QRICH2: variants seen among roughly 807,000 people sequenced by gnomAD.
The protein encoded by QRICH2 is glutamine-rich protein 2.
In QRICH2, 119 loss-of-function variants were observed where a neutral mutation model predicts 168.3. That is an observed-to-expected ratio of 0.71 (90% CI 0.61 to 0.82). The LOEUF (loss-of-function observed/expected upper bound fraction) is 0.82. Ranked by LOEUF, QRICH2 falls within the 40% of genes least tolerant of loss-of-function variation. The pLI, the probability that QRICH2 is intolerant of heterozygous loss-of-function variation, is 0.00. For missense variants in QRICH2, 2,241 were observed against 2,491.6 expected, an observed-to-expected ratio of 0.90 and a Z score of 2.14; for synonymous variants, 894 against 951.2, an observed-to-expected ratio of 0.94 and a Z score of 1.11.
In QRICH2 at chr17:76,284,545, G is replaced by A. The variant is rs957694176; in HGVS notation, c.4012-2430C>T. Among the ~76,000 whole-genome samples, 17 of 120,310 alleles carry A rather than the reference G, an allele frequency of 1.4e-4. 4 individuals carry two copies. Among genetic ancestry groups the A allele is most frequent in the African/African-American group, 7.5e-4 (12 of 15,928 alleles). 78.9% of individuals were successfully genotyped at this position (120,310 alleles called of 152,430 possible). ...TCTAAAGAAAGTATACAGGCCAGGC[G>A]TGGTGGCTCACGCCTGTAATCCCAG... is the stretch of plus-strand genomic sequence containing the variant. On this transcript the variant is annotated intron_variant, in intron 7 of 18. Transcript: ENST00000680821.
rs1302816746 is a variant in QRICH2, at chr17:76,276,745, C to G, written c.5288G>C (p.Gly1763Ala). Residue 1763 changes from glycine to alanine, a missense_variant, in exon 17 of 19, where the codon GGC (glycine) becomes GCC (alanine). Physicochemically the swap from Gly to Ala is moderately conservative, Grantham distance 60. Coordinates refer to ENST00000680821, the MANE Select transcript of QRICH2 (RefSeq NM_001388453.1). Reference sequence around the variant, plus strand: ...TCCCTTGTAAATGTGGCCATCCAGGCCCAAGATGTCCACCTCATCATGCTG... The same window carrying G: ...TCCCTTGTAAATGTGGCCATCCAGGGCCAAGATGTCCACCTCATCATGCTG... ...AMKHDEVDILGLDGHIYKGRM... is the reference protein window; with the variant it reads ...AMKHDEVDILALDGHIYKGRM... The G allele has an allele frequency of 6.2e-7, 1 of 1,612,850 alleles. No homozygotes were observed. The highest frequency in any genetic ancestry group is 1.3e-5 in the African/African-American group (1 of 74,934).
In QRICH2 at chr17:76,274,146, A is replaced by G; in HGVS notation, c.5597T>C (p.Val1866Ala). The change falls in exon 19 of 19, where the codon GTG (valine) becomes GCG (alanine). Residue 1866 changes from valine (V) to alanine (A), a missense_variant. Physicochemically the swap from Val to Ala is moderately conservative, Grantham distance 64. Around this residue, in one of 3 missense-constraint regions of QRICH2, gnomAD observed 189 missense variants for 169.3 expected, o/e 1.12. Transcript: ENST00000680821. ...GAGCCCCTCCCCAGGAGGCATGTCC[A>G]CGTGCCTCTCCAGCCCCCTGTTTGC... ...AVANRGLERH[V>A]DMPPGEGLEE... 1.3e-6 allele frequency: 2 copies of G among 1,588,892 alleles called. No individual in the cohort carries two copies. The highest frequency in any genetic ancestry group is 8.5e-7 in the Non-Finnish European group (1 of 1,171,710).
chr17:76,310,907 C>A (rs2071064180), upstream of QRICH2: 1 of 152,044 alleles, frequency 6.6e-6, no homozygotes, highest in Admixed American at 6.6e-5. Context: ...CCATGGTCTT[C>A]TGCTGTCTAA....
chr17:76,298,348 T>C (rs1034091764), intron 3 of QRICH2, among the ~76,000 whole-genome samples: 26 of 149,134 alleles, frequency 1.7e-4, no homozygotes, highest in Non-Finnish European at 3.3e-4. Flanking sequence ...CCGGATAATT[T>C]TTTTGTATTT....
chr17:76,285,059 A>G (rs1568111122), intron 7 of QRICH2, among the ~76,000 whole-genome samples: 2 of 150,832 alleles, frequency 1.3e-5, no homozygotes, highest in South Asian at 2.1e-4. Flanking sequence ...GGTTCAAGTG[A>G]TTCTCCTACC....
chr17:76,280,167 A>G lies in QRICH2; in HGVS notation c.4627-13T>C. Reference sequence around the variant, plus strand: ...CCAGGCGGTCCAGCTGTGGCGGGGAAAGAGGGGCCAGGGGACCTCTAAGGA... The same window carrying G: ...CCAGGCGGTCCAGCTGTGGCGGGGAGAGAGGGGCCAGGGGACCTCTAAGGA... On this transcript the variant is annotated splice_polypyrimidine_tract_variant and intron_variant, in intron 11 of 18. Coordinates refer to ENST00000680821, the MANE Select transcript of QRICH2 (RefSeq NM_001388453.1). This position sits in a 1 kb window ranked among gnomAD's most constrained non-coding sequence, Gnocchi z 7.4. The G allele has an allele frequency of 6.2e-7, 1 of 1,612,590 alleles. No homozygotes were observed. The highest frequency in any genetic ancestry group is 8.5e-7 in the Non-Finnish European group (1 of 1,179,226).
chr17:76,277,940 C>G, intron 15 of QRICH2, 49 bp downstream of exon 15: 1 of 1,589,368 alleles, frequency 6.3e-7, no homozygotes, highest in Non-Finnish European at 8.6e-7. Context: ...AGAAGCCAAG[C>G]CTGGTCACTG....
At chr17:76,276,630 G>A (rs968335951) in intron 17 of QRICH2, 50 bp downstream of exon 17, 4 of 1,415,320 alleles carry the variant, frequency 2.8e-6, no homozygotes, top group Admixed American at 1.7e-5. Context: ...ATGGATGCAC[G>A]CCCTGTGGGA....
At chr17:76,297,180 C>T (rs1480639996) in intron 3 of QRICH2, among the ~76,000 whole-genome samples, 1 of 152,148 alleles carries the variant, frequency 6.6e-6, no homozygotes, top group Non-Finnish European at 1.5e-5. Context: ...TAGCTGTGTC[C>T]TGGGGGAAAC....
Position 76,293,741 on chromosome 17 carries a change from T to G in QRICH2, c.986A>C (p.Gln329Pro), listed in dbSNP as rs182362331. 4.3e-6 allele frequency: 7 copies of G among 1,614,118 alleles called. No individual in the cohort carries two copies. In the Admixed American group the frequency reaches 1.2e-4, roughly 27 times the overall value. The change falls in exon 4 of 19, where the codon CAG becomes CCG. Residue 329 changes from glutamine to proline, a missense_variant. This residue lies in a region of QRICH2 where 2,047 missense variants were observed against 2,303.8 expected (regional missense o/e 0.89). Transcript: ENST00000680821. ...RDEAGVPRLHQSSTFQFKSDS... is the reference protein window; with the variant it reads ...RDEAGVPRLHPSSTFQFKSDS... ...TGATTTGAATTGGAATGTAGAAGACTGATGGAGTCGTGGCACGCCAGCTTC... is the reference window on the plus strand; with the variant it reads ...TGATTTGAATTGGAATGTAGAAGACGGATGGAGTCGTGGCACGCCAGCTTC...
At position 76,295,069 on chromosome 17, in the gene QRICH2, A is replaced by AAAACAAACAAAC. The variant is rs59054783; in HGVS notation, c.706-1049_706-1048insGTTTGTTTGTTT. 2.8e-3 allele frequency among the ~76,000 whole-genome samples: 392 copies of AAAACAAACAAAC among 140,562 alleles called. 6 individuals carry two copies. The highest frequency in any genetic ancestry group is 5.7e-3 in the South Asian group (25 of 4,394). The allele number at this position is 140,562 out of a possible 152,430, so 92.2% of individuals were successfully genotyped here. A position where few individuals can be genotyped will look rare whatever the true frequency, so the allele number is the denominator to read the frequency against. Reference sequence around the variant, plus strand: ...ACATGATGAAACCCCGTCTCTACTAAAAACAAATAAATAAATAAATAAATA... The same window carrying AAAACAAACAAAC: ...ACATGATGAAACCCCGTCTCTACTAAAAACAAACAAACAAACAAATAAATAAATAAATAAATA... On this transcript the variant is annotated intron_variant, in intron 3 of 18. Coordinates refer to ENST00000680821, the MANE Select transcript of QRICH2 (RefSeq NM_001388453.1).
chr17:76,274,193 G>C lies in QRICH2; in HGVS notation c.5550C>G (p.His1850Gln). 6.3e-7 allele frequency: 1 copy of C among 1,593,580 alleles called. No individual in the cohort carries two copies. ...TTGCCACCGCGGCGGAGCTGGGCGG[G>C]TGGGCTGTGTTCGGCTGGGAGAGAC... ...EGRLSQPNTAHPPSSAAVANR... is the reference protein window; with the variant it reads ...EGRLSQPNTAQPPSSAAVANR... Residue 1850 changes from histidine to glutamine, a missense_variant, in exon 19 of 19, where the codon CAC becomes CAG. Transcript: ENST00000680821.
chr17:76,274,103 C>G lies in QRICH2; in HGVS notation c.5640G>C (p.Gly1880=), dbSNP rs759355305. ...CTCACTGAGCGGTGCTGGACCGCGG[C>G]CCCCGCGTGGGCTCCTCGAGCCCCT... ...PGEGLEEPTR[G]PRSSTAQ The change falls in exon 19 of 19, where the codon GGG becomes GGC. Residue 1880 remains glycine (G), a synonymous_variant. Transcript: ENST00000680821. 44 of 1,580,948 alleles carry G rather than the reference C, an allele frequency of 2.8e-5. No individual in the cohort carries two copies. The highest frequency in any genetic ancestry group is 3.3e-5 in the Non-Finnish European group (39 of 1,168,202).
rs1397274924 is a variant in QRICH2, at chr17:76,293,944, T to G, written c.783A>C (p.Gly261=). The part of the protein sequence containing the change: ...SLTSPEGTLS[G]DSTKQPSIEQ... ...CAATACTTGGTTGCTTGGTAGAGTC[T>G]CCGCTTAGAGTCCCTTCAGGTGATG... The change falls in exon 4 of 19, where the codon GGA becomes GGC. Residue 261 remains glycine (G), a synonymous_variant. Coordinates refer to ENST00000680821, the MANE Select transcript of QRICH2 (RefSeq NM_001388453.1). The G allele has an allele frequency of 1.9e-6, 3 of 1,614,026 alleles. No individual in the cohort carries two copies. The highest frequency in any genetic ancestry group is 2.5e-6 in the Non-Finnish European group (3 of 1,180,038).
chr17:76,288,110 C>T (rs564049415), intron 5 of QRICH2, among the ~76,000 whole-genome samples: 23 of 152,218 alleles, frequency 1.5e-4, no homozygotes, highest in African/African-American at 5.3e-4. Flanking sequence ...GGGCCAGGCA[C>T]GATGGCTCAC....
intron 7 of QRICH2, among the ~76,000 whole-genome samples, chr17:76,285,133 G>A (rs1189911995): frequency 6.6e-6 from 1 of 150,478 alleles, no homozygotes; most frequent in Non-Finnish European, 1.5e-5. Flanking sequence ...TTCTGTTGTT[G>A]TTGTTGTTGT....
chr17:76,301,490 C>T lies in QRICH2; in HGVS notation c.705+2925G>A, dbSNP rs143244624. On this transcript the variant is annotated intron_variant, in intron 3 of 18. Transcript: ENST00000680821. ...GGCTGAGGCAGGAGGATTGCTTGAG[C>T]CCCAGAGGGGAAGGTTGCAGTGAGC... 7.3e-3 allele frequency: 1,632 copies of T among 222,122 alleles called. 27 individuals are homozygous for T. The highest frequency in any genetic ancestry group is 0.036 in the African/African-American group (1,510 of 42,022). 13.8% of individuals were successfully genotyped at this position (222,122 alleles called of 1,614,324 possible).
rs756836571 is a variant in QRICH2 at position 76,292,980 on chromosome 17, G to A, written c.1747C>T (p.Arg583Cys). Residue 583 changes from arginine (R) to cysteine (C), a missense_variant, in exon 4 of 19, where the codon CGT (arginine) becomes TGT (cysteine). Physicochemically the swap from Arg to Cys is radical, Grantham distance 180. Around this residue, in one of 3 missense-constraint regions of QRICH2, gnomAD observed 2,047 missense variants for 2,303.8 expected, o/e 0.89. Transcript: ENST00000680821. The part of the protein sequence containing the change: ...SGRFQRALVQ[R>C]GAYQPGLVQP... The stretch of plus-strand genomic sequence containing the variant: ...ACCAAGCCAGGCTGATATGCACCAC[G>A]CTGCACCAAAGCACGCTGAAATCTG... 20 of 1,614,068 alleles carry A rather than the reference G, an allele frequency of 1.2e-5. No individual in the cohort carries two copies. Among genetic ancestry groups the A allele is most frequent in the South Asian group, 7.7e-5 (7 of 91,084 alleles).
upstream of QRICH2, among the ~76,000 whole-genome samples, chr17:76,308,975 G>A (rs1008275216): frequency 1.3e-5 from 2 of 149,732 alleles, no homozygotes; most frequent in African/African-American, 4.9e-5. Flanking sequence ...TTGAACTCCC[G>A]ACCTCAAGTG....
Sources: allele counts gnomAD v4.1 joint callset (sites outside exome capture counted in the v4.1 genomes callset), GRCh38; gene constraint gnomAD v4.1.1; regional missense constraint gnomAD v4.1.1; non-coding constraint Gnocchi (gnomAD v3.1); transcripts MANE v1.5; gene names NCBI Gene and HGNC (gene_info 2026-07-23, HGNC 2026-07-21).